PCDHGA9: variants seen among roughly 807,000 people sequenced by gnomAD.
PCDHGA9 encodes the protein protocadherin gamma-A9.
PCDHGA9 carries 37 observed loss-of-function variants against 62.5 expected under a neutral mutation model. That is an observed-to-expected ratio of 0.59 (90% CI 0.46 to 0.78). PCDHGA9 has a LOEUF of 0.78. PCDHGA9 is among the 30% of genes least tolerant of loss of function. The pLI is 0.00. For missense variants in PCDHGA9, 1,138 were observed against 1,166.2 expected (o/e 0.98, Z 0.35); for synonymous variants, 459 against 484.6 (o/e 0.95, Z 0.69).
chr5:141,432,601 G>C lies in PCDHGA9; in HGVS notation c.2424+27225G>C. The C allele has an allele frequency of 6.2e-7, 1 of 1,613,952 alleles. No homozygotes were observed. The highest frequency in any genetic ancestry group is 8.5e-7 in the Non-Finnish European group (1 of 1,179,984). On this transcript the variant is annotated intron_variant, in intron 1 of 3. Coordinates refer to ENST00000573521, the MANE Select transcript of PCDHGA9 (RefSeq NM_018921.3). The surrounding 1 kb of genome is among the most constrained non-coding windows in gnomAD (Gnocchi z 6.0). ...ACCGTCTGCTCAAGGCCAGCGAGCC[G>C]GGACTCTTCTCGGTGGGTCTGCACA...
rs2095935492 is a variant in PCDHGA9 at position 141,415,755 on chromosome 5, T to TG, written c.2424+10379_2424+10380insG. ...GTTTATTAAGGTTTTTTTTTTTTTT[T>TG]TTTTTTTTTTTTTTTTTACTTTCTG... On this transcript the variant is annotated intron_variant, in intron 1 of 3. Coordinates refer to ENST00000573521, the MANE Select transcript of PCDHGA9 (RefSeq NM_018921.3). 10 of 1,387,646 alleles carry TG rather than the reference T, an allele frequency of 7.2e-6. No individual in the cohort carries two copies. The African/African-American group carries it at 1.4e-4, about 19-fold the overall frequency. The allele number at this position is 1,387,646 out of a possible 1,614,324, so 86.0% of individuals were successfully genotyped here.
At position 141,432,273 on chromosome 5, in the gene PCDHGA9, T is replaced by G. The variant is rs199937628; in HGVS notation, c.2424+26897T>G. 6.8e-6 allele frequency: 11 copies of G among 1,614,238 alleles called. No individual in the cohort carries two copies. In the Admixed American group the frequency reaches 1.7e-4, roughly 24 times the overall value. ...CAAGGGGCAAGCCTATCGTCCTACG[T>G]GTCCATCAACTCCGACACTGGGGTA... On this transcript the variant is annotated intron_variant, in intron 1 of 3. Coordinates refer to ENST00000573521, the MANE Select transcript of PCDHGA9 (RefSeq NM_018921.3). This position sits in a 1 kb window ranked among gnomAD's most constrained non-coding sequence, Gnocchi z 6.0.
Position 141,425,378 on chromosome 5 carries a change from C to T in PCDHGA9, c.2424+20002C>T, listed in dbSNP as rs372445707. Among the ~76,000 whole-genome samples the T allele has an allele frequency of 1.6e-4, 25 of 152,174 alleles. 1 individual carries two copies. The highest frequency in any genetic ancestry group is 3.9e-4 in the African/African-American group (16 of 41,522). On this transcript the variant is annotated intron_variant, in intron 1 of 3. Transcript: ENST00000573521. ...TGATATTAAGAGGGTTATGTTGATTCGGAGGTAGTGATAAAGTTCTGTTAA... is the reference window on the plus strand; with the variant it reads ...TGATATTAAGAGGGTTATGTTGATTTGGAGGTAGTGATAAAGTTCTGTTAA...
At chr5:141,423,094 C>CGCGTGCGT (rs2096708722) in intron 1 of PCDHGA9, 4 of 1,613,860 alleles carry the variant, frequency 2.5e-6, no homozygotes, top group African/African-American at 2.7e-5. Flanking sequence ...GGTGGGGGAG[C>CGCGTGCGT]ACACGGGCGA....
intron 1 of PCDHGA9, among the ~76,000 whole-genome samples, chr5:141,465,038 G>T (rs1297185291): frequency 6.6e-6 from 1 of 151,642 alleles, no homozygotes; most frequent in Non-Finnish European, 1.5e-5. Flanking sequence ...CACCACAAAT[G>T]ACCCTATATA....
chr5:141,477,719 T>C lies in PCDHGA9; in HGVS notation c.2425-17088T>C. 6.2e-7 allele frequency: 1 copy of C among 1,613,876 alleles called. No individual in the cohort carries two copies. Among genetic ancestry groups the C allele is most frequent in the Non-Finnish European group, 8.5e-7 (1 of 1,180,028 alleles). ...CTATGAGGATCGGCGGGAATTTGAA[T>C]TAACAGCTCATATCAGCGATGGGGG... On this transcript the variant is annotated intron_variant, in intron 1 of 3. Transcript: ENST00000573521. The surrounding 1 kb of genome is among the most constrained non-coding windows in gnomAD (Gnocchi z 4.9).
chr5:141,448,894 G>A (rs2098614669), intron 1 of PCDHGA9, among the ~76,000 whole-genome samples: 2 of 152,098 alleles, frequency 1.3e-5, no homozygotes, highest in South Asian at 4.1e-4. Context: ...GCAGTGAGCC[G>A]AGATCGTGCC....
Position 141,476,836 on chromosome 5 carries a change from T to G in PCDHGA9, c.2425-17971T>G. 1 of 1,613,652 alleles carries G rather than the reference T, an allele frequency of 6.2e-7. No homozygotes were observed. The highest frequency in any genetic ancestry group is 8.5e-7 in the Non-Finnish European group (1 of 1,180,042). On this transcript the variant is annotated intron_variant, in intron 1 of 3. Coordinates refer to ENST00000573521, the MANE Select transcript of PCDHGA9 (RefSeq NM_018921.3). The surrounding 1 kb of genome is among the most constrained non-coding windows in gnomAD (Gnocchi z 7.6). ...TCAAGGTGCTGGACGCGAATGACAATGCGCCTGTCTTCAACCAGTCCTTGT... is the reference window on the plus strand; with the variant it reads ...TCAAGGTGCTGGACGCGAATGACAAGGCGCCTGTCTTCAACCAGTCCTTGT...
intron 2 of PCDHGA9, among the ~76,000 whole-genome samples, chr5:141,501,324 CA>C (rs1311475307): frequency 7.2e-5 from 11 of 151,778 alleles, no homozygotes; most frequent in African/African-American, 1.9e-4. Flanking sequence ...CACACACACA[CA>C]CACACACACC....
At chr5:141,469,372 C>G (rs780872014) in intron 1 of PCDHGA9, among the ~76,000 whole-genome samples, 5 of 151,990 alleles carry the variant, frequency 3.3e-5, no homozygotes, top group Non-Finnish European at 5.9e-5. Flanking sequence ...GTAAAGAGAT[C>G]GAGACCATCC....
chr5:141,402,820 C>T lies in PCDHGA9; in HGVS notation c.-133C>T. The T allele has an allele frequency of 1.6e-6, 2 of 1,288,164 alleles. No individual in the cohort carries two copies. Among genetic ancestry groups the T allele is most frequent in the Admixed American group, 3.0e-5 (1 of 33,876 alleles). The allele number at this position is 1,288,164 out of a possible 1,614,324, so 79.8% of individuals were successfully genotyped here. ...AAACCCGGCAGATACCACAAACCTG[C>T]TCCCAGGCTGCAGCAAAACTCAGCC... On this transcript the variant is annotated 5_prime_UTR_variant, in exon 1 of 4. Coordinates refer to ENST00000573521, the MANE Select transcript of PCDHGA9 (RefSeq NM_018921.3).
At chr5:141,450,679 G>A (rs2098690217) in intron 1 of PCDHGA9, among the ~76,000 whole-genome samples, 2 of 151,914 alleles carry the variant, frequency 1.3e-5, no homozygotes, top group Non-Finnish European at 2.9e-5. Context: ...TAGAAACGGG[G>A]TTTTGCCATG....
Position 141,431,534 on chromosome 5 carries a change from A to G in PCDHGA9, c.2424+26158A>G, listed in dbSNP as rs1331176313. Reference sequence around the variant, plus strand: ...CGTTCCGGAGAATCTGGCCTTGGGCACGCAGCTGCTTGTAGTCAACGCTAC... The same window carrying G: ...CGTTCCGGAGAATCTGGCCTTGGGCGCGCAGCTGCTTGTAGTCAACGCTAC... On this transcript the variant is annotated intron_variant, in intron 1 of 3. Coordinates refer to ENST00000573521, the MANE Select transcript of PCDHGA9 (RefSeq NM_018921.3). This position sits in a 1 kb window ranked among gnomAD's most constrained non-coding sequence, Gnocchi z 4.8. The G allele has an allele frequency of 1.2e-6, 2 of 1,614,110 alleles. No individual in the cohort carries two copies. The highest frequency in any genetic ancestry group is 8.5e-7 in the Non-Finnish European group (1 of 1,180,042).
At chr5:141,412,936 A>T in intron 1 of PCDHGA9, 1 of 459,508 alleles carries the variant, frequency 2.2e-6, no homozygotes, top group African/African-American at 2.0e-5. Flanking sequence ...ACTTCTTAGG[A>T]CTCTGAGCGC....
Position 141,431,615 on chromosome 5 carries a change from G to A in PCDHGA9, c.2424+26239G>A. 1.2e-6 allele frequency: 2 copies of A among 1,614,236 alleles called. No homozygotes were observed. Among genetic ancestry groups the A allele is most frequent in the Non-Finnish European group, 1.7e-6 (2 of 1,180,042 alleles). ...GAGGTATTCCTTCCGGTATGTGGACGACAAGGCGGCCCAAGTTTTCAAACT... is the reference window on the plus strand; with the variant it reads ...GAGGTATTCCTTCCGGTATGTGGACAACAAGGCGGCCCAAGTTTTCAAACT... On this transcript the variant is annotated intron_variant, in intron 1 of 3. Coordinates refer to ENST00000573521, the MANE Select transcript of PCDHGA9 (RefSeq NM_018921.3). The surrounding 1 kb of genome is among the most constrained non-coding windows in gnomAD (Gnocchi z 4.8).
In PCDHGA9 at chr5:141,490,858, G is replaced by C. The variant is rs775132338; in HGVS notation, c.2425-3949G>C. On this transcript the variant is annotated intron_variant, in intron 1 of 3. Coordinates refer to ENST00000573521, the MANE Select transcript of PCDHGA9 (RefSeq NM_018921.3). The surrounding 1 kb of genome is among the most constrained non-coding windows in gnomAD (Gnocchi z 5.4). ...GATTGTGGTGGGGGTTCGAGACTCC[G>C]GCTCTCCCCCATTGCATGCCAACAC... The C allele has an allele frequency of 1.5e-5, 24 of 1,613,704 alleles. 1 individual carries two copies. Among genetic ancestry groups the C allele is most frequent in the Non-Finnish European group, 2.0e-5 (24 of 1,179,918 alleles).
intron 1 of PCDHGA9, among the ~76,000 whole-genome samples, chr5:141,438,623 TATATATATATATACACACAC>T (rs1272037524): frequency 7.0e-5 from 3 of 42,840 alleles, no homozygotes; most frequent in African/African-American, 1.6e-4. Flanking sequence ...TATATATATA[TATATATATATATACACACAC>T]ACACACACAT....
At chr5:141,502,404 C>A (rs1270930372) in intron 2 of PCDHGA9, among the ~76,000 whole-genome samples, 1 of 151,880 alleles carries the variant, frequency 6.6e-6, no homozygotes, top group Non-Finnish European at 1.5e-5. Flanking sequence ...TGTCCCCGAA[C>A]CTGGATTTGC....
chr5:141,418,980 A>T, intron 1 of PCDHGA9: 1 of 1,614,004 alleles, frequency 6.2e-7, no homozygotes. Flanking sequence ...ACACGGGACC[A>T]AGACTCAGGG....
Sources: gnomAD v4.1 joint callset for allele counts (sites outside exome capture counted in the v4.1 genomes callset) on GRCh38, gnomAD v4.1.1 for gene constraint, Gnocchi (gnomAD v3.1) non-coding constraint, MANE v1.5 for transcripts, NCBI Gene and HGNC (gene_info 2026-07-23, HGNC 2026-07-21) for gene names.